Variants in SMARCC1 observed in about 807,000 individuals in gnomAD.
The protein encoded by SMARCC1 is SWI/SNF related BAF chromatin remodeling complex subunit C1.
Under a neutral mutation model 147.4 loss-of-function variants are expected in SMARCC1, and 43 were observed. The ratio of observed to expected loss-of-function variants is 0.29; its 90% CI spans 0.23 to 0.38. The LOEUF is 0.38. SMARCC1 is among the 10% of genes least tolerant of loss of function. SMARCC1 has a pLI of 1.00. For synonymous variants in SMARCC1, 495 were observed against 484.4 expected, an observed-to-expected ratio of 1.02 and a Z score of -0.29; for missense variants, 1,119 against 1,381.1, an observed-to-expected ratio of 0.81 and a Z score of 3.01.
intron 5 of SMARCC1, among the ~76,000 whole-genome samples, chr3:47,731,192 G>T (rs1190166775): frequency 2.0e-5 from 3 of 152,148 alleles, no homozygotes; most frequent in Non-Finnish European, 4.4e-5. Context: ...CGTTAACAGC[G>T]ACTGTGCCAG....
At chr3:47,717,479 C>G (rs1046765550) in intron 7 of SMARCC1, among the ~76,000 whole-genome samples, 2 of 152,230 alleles carry the variant, frequency 1.3e-5, no homozygotes, top group East Asian at 3.9e-4. Flanking sequence ...CCAACTAATC[C>G]CAACAGGTAG....
At chr3:47,650,520 A>C (rs1279898971) in intron 21 of SMARCC1, among the ~76,000 whole-genome samples, 1 of 151,830 alleles carries the variant, frequency 6.6e-6, no homozygotes, top group East Asian at 1.9e-4. Context: ...ACACAAGCAT[A>C]AAATGTGGCC....
rs369967821 is a variant in SMARCC1, at chr3:47,750,351, C to T, written c.316-4358G>A. ...TTGGGAGGCTCAGGCAGGAGAATCA[C>T]TTGAACCCGAGAGGCAGAGGATGCA... is the stretch of plus-strand genomic sequence containing the variant. On this transcript the variant is annotated intron_variant, in intron 2 of 27. Coordinates refer to ENST00000254480, the MANE Select transcript of SMARCC1 (RefSeq NM_003074.4). Among the ~76,000 whole-genome samples, 108 of 152,296 alleles carry T rather than the reference C, an allele frequency of 7.1e-4. 1 individual carries two copies. The highest frequency in any genetic ancestry group is 2.5e-3 in the African/African-American group (104 of 41,576).
intron 10 of SMARCC1, 97 bp from the exon 11 acceptor site, chr3:47,701,499 A>C (rs1207175420): frequency 8.7e-7 from 1 of 1,146,370 alleles, no homozygotes; most frequent in Non-Finnish European, 1.3e-6. Context: ...TTTGTAGAAC[A>C]TATGCTCAAG....
At chr3:47,733,113 A>G (rs894716641) in intron 5 of SMARCC1, among the ~76,000 whole-genome samples, 3 of 152,200 alleles carry the variant, frequency 2.0e-5, no homozygotes, top group African/African-American at 7.2e-5. Context: ...CTCAAAAAAA[A>G]ACAAATAAAC....
At chr3:47,708,083 C>CTTTTTTCTTTTTT (rs2034032931) in intron 9 of SMARCC1, among the ~76,000 whole-genome samples, 2 of 64,272 alleles carry the variant, frequency 3.1e-5, no homozygotes, top group African/African-American at 1.3e-4. Context: ...AATTTTTTTT[C>CTTTTTTCTTTTTT]TTTTTTTTTT....
At position 47,686,117 on chromosome 3, in the gene SMARCC1, T is replaced by TTC; in HGVS notation, c.1315_1316dup (p.Asp440LysfsTer4). 1 of 1,611,606 alleles carries TTC rather than the reference T, an allele frequency of 6.2e-7. No homozygotes were observed. The highest frequency in any genetic ancestry group is 8.5e-7 in the Non-Finnish European group (1 of 1,177,766). On this transcript the variant is annotated frameshift_variant, in exon 14 of 28. Coordinates refer to ENST00000254480, the MANE Select transcript of SMARCC1 (RefSeq NM_003074.4). LOFTEE classifies it high-confidence loss of function. ...GATTGGTCTGCTCTGTCACATTATC[T>TTC]TCCCCAAGGTCAACTGATCGACTCT...
intron 2 of SMARCC1, among the ~76,000 whole-genome samples, chr3:47,769,924 A>G (rs1229664994): frequency 6.6e-6 from 1 of 152,218 alleles, no homozygotes; most frequent in Non-Finnish European, 1.5e-5. Flanking sequence ...TAAGAGAGTG[A>G]CATGTAAAAA....
chr3:47,717,282 A>G (rs1003200448), intron 7 of SMARCC1, among the ~76,000 whole-genome samples: 4 of 152,180 alleles, frequency 2.6e-5, no homozygotes, highest in Non-Finnish European at 5.9e-5. Context: ...ATTTAAGGGA[A>G]ATACAGAGAA....
chr3:47,762,274 A>G (rs144300361), intron 2 of SMARCC1, among the ~76,000 whole-genome samples: 5 of 152,240 alleles, frequency 3.3e-5, no homozygotes, highest in African/African-American at 9.6e-5. Flanking sequence ...ATCAAGTCCA[A>G]CTCCAACTGT....
chr3:47,696,594 C>T (rs1344070950), intron 11 of SMARCC1, among the ~76,000 whole-genome samples: 2 of 151,548 alleles, frequency 1.3e-5, no homozygotes, highest in African/African-American at 4.9e-5. Context: ...TCTCGGCTCA[C>T]TGCAACCTCT....
chr3:47,664,415 T>C (rs1359342801), intron 19 of SMARCC1, among the ~76,000 whole-genome samples: 1 of 152,172 alleles, frequency 6.6e-6, no homozygotes, highest in Non-Finnish European at 1.5e-5. Context: ...AAACTCCAAG[T>C]AGGCTTCTTT....
chr3:47,681,578 G>A (rs944338041), intron 14 of SMARCC1, among the ~76,000 whole-genome samples: 4 of 152,158 alleles, frequency 2.6e-5, no homozygotes, highest in Non-Finnish European at 5.9e-5. Context: ...TAGTTTCTCA[G>A]TGACTTTCCA....
Position 47,701,385 on chromosome 3 carries a change from C to T in SMARCC1, c.1058G>A (p.Gly353Glu), listed in dbSNP as rs1457266805. The T allele has an allele frequency of 6.2e-7, 1 of 1,613,788 alleles. No homozygotes were observed. Among genetic ancestry groups the T allele is most frequent in the South Asian group, 1.1e-5 (1 of 91,056 alleles). ...SGKKGQASLY[G>E]KRRSQKEEDE... ...TTCCTCTTTCTGACTTCTGCGCTTC[C>T]CATAAAGGCTAGCTTGGCTAAAACA... is the stretch of plus-strand genomic sequence containing the variant. Residue 353 changes from glycine (G) to glutamate (E), a missense_variant, in exon 11 of 28, where the codon GGG becomes GAG. Gly to Glu is a moderately conservative substitution (Grantham distance 98, BLOSUM62 -2). Around this residue, in one of 6 missense-constraint regions of SMARCC1, gnomAD observed 542 missense variants for 611.8 expected, o/e 0.89. Transcript: ENST00000254480.
At chr3:47,683,237 G>C (rs1452473342) in intron 14 of SMARCC1, among the ~76,000 whole-genome samples, 1 of 151,720 alleles carries the variant, frequency 6.6e-6, no homozygotes, top group South Asian at 2.1e-4. Context: ...TAGCAGAGAC[G>C]GGGTTTCACC....
At chr3:47,671,879 A>G (rs1222407022) in intron 18 of SMARCC1, among the ~76,000 whole-genome samples, 1 of 152,216 alleles carries the variant, frequency 6.6e-6, no homozygotes, top group Non-Finnish European at 1.5e-5. Context: ...CAGTTTAGAT[A>G]ATTAAAACTC....
intron 21 of SMARCC1, among the ~76,000 whole-genome samples, chr3:47,660,625 A>T (rs920081587): frequency 2.6e-5 from 4 of 152,166 alleles, no homozygotes; most frequent in African/African-American, 9.7e-5. Context: ...AAGCAGACAC[A>T]AAGGCCACAT....
At chr3:47,663,192 GAGGGGTGGGGAGGGGAGGGGAGGAAGGA>G (rs1357244714) in intron 19 of SMARCC1, among the ~76,000 whole-genome samples, 4 of 76,446 alleles carry the variant, frequency 5.2e-5, no homozygotes, top group African/African-American at 1.9e-4. Context: ...GAGGGGAGGG[GAGGGGTGGGGAGGGGAGGGGAGGAAGGA>G]AGGAAGGAAG....
chr3:47,625,821 T>C (rs2032801402), intron 24 of SMARCC1, among the ~76,000 whole-genome samples: 2 of 151,752 alleles, frequency 1.3e-5, no homozygotes, highest in Non-Finnish European at 2.9e-5. Flanking sequence ...GAAAATTAGG[T>C]TGGACCTCAT....
Sources: allele counts gnomAD v4.1 joint callset (sites outside exome capture counted in the v4.1 genomes callset), GRCh38; gene constraint gnomAD v4.1.1; regional missense constraint gnomAD v4.1.1; transcripts MANE v1.5; gene names NCBI Gene and HGNC (gene_info 2026-07-23, HGNC 2026-07-21).